PRELID2: variants seen among roughly 807,000 people sequenced by gnomAD.
PRELID2 encodes PRELI domain-containing protein 2.
In PRELID2, 25 loss-of-function variants were observed where a neutral mutation model predicts 28.4. The ratio of observed to expected loss-of-function variants is 0.88; its 90% CI spans 0.64 to 1.23. The LOEUF is 1.23. PRELID2 is among the 50% of genes most tolerant of loss of function. The pLI, the probability that PRELID2 is intolerant of heterozygous loss-of-function variation, is 0.00. For synonymous variants in PRELID2, 76 were observed against 71.6 expected (o/e 1.06, Z -0.31); for missense variants, 201 against 214.4 (o/e 0.94, Z 0.39).
chr5:145,266,783 C>T, the PRELID2 span, among the ~76,000 whole-genome samples: 5 of 151,956 alleles, frequency 3.3e-5, no homozygotes, highest in Admixed American at 2.0e-4. Context: ...ATATATGGAA[C>T]CAGCCCAAAT....
the PRELID2 span, among the ~76,000 whole-genome samples, chr5:145,424,456 C>T: frequency 6.6e-6 from 1 of 152,316 alleles, no homozygotes; most frequent in South Asian, 2.1e-4. Context: ...TTTTTTAAGC[C>T]CGTCGGAAAA....
chr5:145,653,550 T>C (rs562659947), intron 1 of PRELID2, among the ~76,000 whole-genome samples: 1 of 152,316 alleles, frequency 6.6e-6, no homozygotes, highest in South Asian at 2.1e-4. Context: ...ACAAACTTTC[T>C]CTCAGACCAC....
At chr5:145,491,518 G>T (rs1752268258) in intron 1 of PRELID2, among the ~76,000 whole-genome samples, 1 of 152,064 alleles carries the variant, frequency 6.6e-6, no homozygotes. Context: ...ATTAACATAT[G>T]CATTACCTTA....
rs144523971 is a variant in PRELID2, at chr5:145,663,735, G to A, written n.70+101196C>T. ...CCTAACCCCGACTTCATCACTGAAT[G>A]TCTGGGAGACCTTGGGCCAGTTAAC... On this transcript the variant is annotated intron_variant and non_coding_transcript_variant, in intron 1 of 2. Transcript: ENST00000510259. Among the ~76,000 whole-genome samples, 3 of 152,208 alleles carry A rather than the reference G, an allele frequency of 2.0e-5. No homozygotes were observed. In the East Asian group the frequency reaches 5.8e-4, roughly 29 times the overall value.
chr5:145,825,434 T>C (rs555546142), intron 1 of PRELID2, among the ~76,000 whole-genome samples: 1 of 152,218 alleles, frequency 6.6e-6, no homozygotes, highest in African/African-American at 2.4e-5. Context: ...ATTGTGATTA[T>C]ATGTGTATAA....
the PRELID2 span, among the ~76,000 whole-genome samples, chr5:145,284,503 T>G: frequency 1.3e-5 from 2 of 150,656 alleles, no homozygotes; most frequent in East Asian, 1.9e-4. Context: ...AACTCAAGAC[T>G]TTTTTTTTCT....
chr5:145,605,294 T>C (rs1753488125), intron 1 of PRELID2, among the ~76,000 whole-genome samples: 1 of 152,166 alleles, frequency 6.6e-6, no homozygotes, highest in African/African-American at 2.4e-5. Flanking sequence ...TCCAGGGTTT[T>C]TATAGCTTTA....
At chr5:145,368,907 C>G in the PRELID2 span, among the ~76,000 whole-genome samples, 3 of 151,562 alleles carry the variant, frequency 2.0e-5, no homozygotes, top group Non-Finnish European at 4.4e-5. Flanking sequence ...ATCATTTCAT[C>G]ACCCAAGTAT....
At chr5:145,476,875 C>G (rs1752106976) in intron 1 of PRELID2, among the ~76,000 whole-genome samples, 3 of 152,136 alleles carry the variant, frequency 2.0e-5, no homozygotes, top group Non-Finnish European at 4.4e-5. Flanking sequence ...ACACATAAGG[C>G]AGAACACAGT....
chr5:145,522,630 A>G (rs1014623345), intron 1 of PRELID2, among the ~76,000 whole-genome samples: 6 of 152,214 alleles, frequency 3.9e-5, no homozygotes, highest in Non-Finnish European at 8.8e-5. Flanking sequence ...GTACCCATAC[A>G]CTAGACTTCA....
At chr5:145,417,458 C>A in the PRELID2 span, among the ~76,000 whole-genome samples, 1 of 151,868 alleles carries the variant, frequency 6.6e-6, no homozygotes. Context: ...AAGAAAATAT[C>A]AGACCAATAT....
At chr5:145,278,058 G>A in the PRELID2 span, among the ~76,000 whole-genome samples, 2 of 152,120 alleles carry the variant, frequency 1.3e-5, no homozygotes, top group Non-Finnish European at 1.5e-5. Context: ...TATATTTACA[G>A]AAATCTATTG....
intron 1 of PRELID2, among the ~76,000 whole-genome samples, chr5:145,706,937 G>C (rs1755564199): frequency 6.6e-6 from 1 of 152,184 alleles, no homozygotes; most frequent in Non-Finnish European, 1.5e-5. Flanking sequence ...TTGCATGCAA[G>C]TTAACACTTG....
intron 1 of PRELID2, among the ~76,000 whole-genome samples, chr5:145,606,520 G>C (rs1487056223): frequency 6.6e-6 from 1 of 152,052 alleles, no homozygotes; most frequent in Non-Finnish European, 1.5e-5. Context: ...CCTCTATTGA[G>C]ATAATGTGGT....
chr5:145,570,737 C>T (rs1753008545), intron 1 of PRELID2, among the ~76,000 whole-genome samples: 1 of 152,158 alleles, frequency 6.6e-6, no homozygotes, highest in Non-Finnish European at 1.5e-5. Flanking sequence ...CCTAACTGGC[C>T]ATGCTTTTGT....
chr5:145,372,852 T>A, the PRELID2 span, among the ~76,000 whole-genome samples: 2 of 137,696 alleles, frequency 1.5e-5, no homozygotes, highest in African/African-American at 5.3e-5. Context: ...TAAGGTTATA[T>A]ATTATTATTA....
intron 1 of PRELID2, among the ~76,000 whole-genome samples, chr5:145,833,005 T>G (rs1246370077): frequency 1.3e-5 from 1 of 76,772 alleles, no homozygotes; most frequent in African/African-American, 4.0e-5. Flanking sequence ...GCATCATTTA[T>G]TTATGTTAAT....
intron 1 of PRELID2, among the ~76,000 whole-genome samples, chr5:145,674,601 T>C (rs1347162): frequency 0.013 from 2,036 of 152,284 alleles, 37 homozygotes; most frequent in African/African-American, 0.047. Context: ...AGACTGGATC[T>C]ATTCCTCACT....
At chr5:145,743,133 G>A (rs1238812275) in intron 1 of PRELID2, among the ~76,000 whole-genome samples, 1 of 152,030 alleles carries the variant, frequency 6.6e-6, no homozygotes, top group East Asian at 1.9e-4. Context: ...ATCTGGCCGG[G>A]CGCGGTGGCT....
Sources: allele counts gnomAD v4.1 joint callset (sites outside exome capture counted in the v4.1 genomes callset), GRCh38; gene constraint gnomAD v4.1.1; transcripts MANE v1.5; gene names NCBI Gene and HGNC (gene_info 2026-07-23, HGNC 2026-07-21).